The following BRAF variants were observed in gnomAD, a reference collection of about 807,000 sequenced individuals.
BRAF encodes B-Raf proto-oncogene, serine/threonine kinase, also known as serine/threonine-protein kinase B-raf.
In BRAF, 16 loss-of-function variants were observed where a neutral mutation model predicts 104.6. The observed-to-expected ratio is 0.15, with a 90% CI of 0.10 to 0.23. The LOEUF (loss-of-function observed/expected upper bound fraction) is 0.23, where lower values mean the gene tolerates loss of function less well. BRAF is among the 10% of genes least tolerant of loss of function. The pLI is 1.00. For synonymous variants in BRAF, 310 were observed against 341.6 expected (o/e 0.91, Z 1.02); for missense variants, 541 against 937.3 (o/e 0.58, Z 5.52).
chr7:140,764,257 C>T (rs548560854), intron 14 of BRAF, among the ~76,000 whole-genome samples: 1,957 of 151,476 alleles, frequency 0.013, 24 homozygotes, highest in Non-Finnish European at 0.021. Flanking sequence ...ACCCTTCATG[C>T]TAAAAACTCT....
intron 3 of BRAF, among the ~76,000 whole-genome samples, chr7:140,833,100 T>TCTCCTGAC (rs1171439884): frequency 1.3e-5 from 2 of 152,022 alleles, no homozygotes; most frequent in Non-Finnish European, 2.9e-5. Context: ...ACTGTCTCGA[T>TCTCCTGAC]CTCCTGACCT....
chr7:140,724,004 T>C lies in BRAF; in HGVS notation c.*2490A>G. On this transcript the variant is annotated 3_prime_UTR_variant, in exon 20 of 20. Transcript: ENST00000644969. ...AAGGAAGAAAAGAGAGGTTTAAATA[T>C]TTTATTTTTTAAGGTATCTATAAAA... 9.6e-7 allele frequency: 1 copy of C among 1,042,342 alleles called. No homozygotes were observed. The highest frequency in any genetic ancestry group is 1.2e-6 in the Non-Finnish European group (1 of 864,626). 64.6% of individuals were successfully genotyped at this position (1,042,342 alleles called of 1,614,324 possible). A position where few individuals can be genotyped will look rare whatever the true frequency, so the allele number is the denominator to read the frequency against.
intron 17 of BRAF, 78 bp from the exon 17 acceptor site, chr7:140,740,024 C>T (rs2130902232): frequency 4.8e-6 from 7 of 1,453,276 alleles, no homozygotes; most frequent in Non-Finnish European, 6.6e-6. Flanking sequence ...ATTGAAAACA[C>T]AATAAGCTGT....
Position 140,834,775 on chromosome 7 carries a change from C to T in BRAF, c.338G>A (p.Ser113Asn), listed in dbSNP as rs747047638. The T allele has an allele frequency of 1.2e-6, 2 of 1,614,146 alleles. No homozygotes were observed. Among genetic ancestry groups the T allele is most frequent in the Non-Finnish European group, 8.5e-7 (1 of 1,180,012 alleles). The part of the protein sequence containing the change: ...LGNGTDFSVS[S>N]SASMDTVTSS... ...TGTAACGGTATCCATTGATGCAGAG[C>T]TAGAAACAGAAAAATCAGTTCCGTT... is the stretch of plus-strand genomic sequence containing the variant. The change falls in exon 3 of 20, where the codon AGC becomes AAC. Residue 113 changes from serine to asparagine, a missense_variant. By Grantham distance (46) the Ser-to-Asn change is conservative. This residue lies in a region of BRAF where 86 missense variants were observed against 133.9 expected (regional missense o/e 0.64). Coordinates refer to ENST00000644969, the MANE Select transcript of BRAF (RefSeq NM_001374258.1).
chr7:140,786,245 C>A (rs185063608), intron 9 of BRAF, among the ~76,000 whole-genome samples: 1 of 152,218 alleles, frequency 6.6e-6, no homozygotes, highest in East Asian at 1.9e-4. Context: ...GTATAGAATG[C>A]AGGCTTATTA....
intron 1 of BRAF, among the ~76,000 whole-genome samples, chr7:140,894,577 T>G (rs543003762): frequency 6.6e-6 from 1 of 152,184 alleles, no homozygotes; most frequent in South Asian, 2.1e-4. Context: ...TCCTGATTAT[T>G]TTCACAAATC....
intron 5 of BRAF, among the ~76,000 whole-genome samples, chr7:140,802,247 A>G (rs1475518819): frequency 2.0e-5 from 3 of 151,704 alleles, no homozygotes; most frequent in Non-Finnish European, 4.4e-5. Flanking sequence ...GATACCTTGA[A>G]GATCCTGACC....
At chr7:140,714,323 CT>C in the BRAF span, among the ~76,000 whole-genome samples, 1 of 152,324 alleles carries the variant, frequency 6.6e-6, no homozygotes, top group South Asian at 2.1e-4. Flanking sequence ...CACTTTCCAA[CT>C]CTCTGAGACT....
chr7:140,865,431 A>C (rs987941620), intron 1 of BRAF, among the ~76,000 whole-genome samples: 1 of 152,272 alleles, frequency 6.6e-6, no homozygotes, highest in Admixed American at 6.5e-5. Context: ...ACTGCCAGAC[A>C]TTGTTGATGC....
At chr7:140,788,155 T>G (rs1266350458) in intron 8 of BRAF, among the ~76,000 whole-genome samples, 2 of 152,138 alleles carry the variant, frequency 1.3e-5, no homozygotes, top group Admixed American at 1.3e-4. Flanking sequence ...AATAAATAAA[T>G]TTTTAAAAAA....
intron 1 of BRAF, among the ~76,000 whole-genome samples, chr7:140,889,951 T>A (rs557870568): frequency 6.6e-6 from 1 of 152,336 alleles, no homozygotes; most frequent in South Asian, 2.1e-4. Context: ...ACTCAAGCAA[T>A]GTGCCCTTAG....
At chr7:140,754,874 T>G (rs1019298061) in intron 14 of BRAF, among the ~76,000 whole-genome samples, 36 of 152,182 alleles carry the variant, frequency 2.4e-4, no homozygotes, top group African/African-American at 8.7e-4. Context: ...CTTAAAATAT[T>G]TTCTTAAAAC....
At chr7:140,714,340 G>A (rs1285502485), downstream of BRAF, among the ~76,000 whole-genome samples, 2 of 152,140 alleles carry the variant, frequency 1.3e-5, no homozygotes, top group African/African-American at 4.8e-5. Context: ...AGACTGGACA[G>A]AATTCTCCTC....
intron 14 of BRAF, among the ~76,000 whole-genome samples, chr7:140,764,605 G>A (rs1220055898): frequency 6.6e-6 from 1 of 152,036 alleles, no homozygotes; most frequent in Non-Finnish European, 1.5e-5. Flanking sequence ...CAAAGTCTTG[G>A]GATACAAAAT....
At chr7:140,769,483 T>G (rs1012916516) in intron 14 of BRAF, among the ~76,000 whole-genome samples, 2 of 152,236 alleles carry the variant, frequency 1.3e-5, no homozygotes, top group Non-Finnish European at 2.9e-5. Context: ...CATATATACA[T>G]ACACACCACT....
intron 18 of BRAF, among the ~76,000 whole-genome samples, chr7:140,737,726 T>C (rs925576809): frequency 6.6e-5 from 10 of 152,200 alleles, no homozygotes; most frequent in African/African-American, 2.4e-4. Context: ...GATTTCATAT[T>C]TTATAAAACA....
intron 5 of BRAF, among the ~76,000 whole-genome samples, chr7:140,806,432 A>G (rs1384741822): frequency 1.3e-5 from 2 of 152,216 alleles, no homozygotes; most frequent in East Asian, 1.9e-4. Context: ...AGTTCTCAAT[A>G]AAAATTTACT....
chr7:140,773,332 TGGA>T, intron 14 of BRAF: 1 of 152,320 alleles, frequency 6.6e-6, no homozygotes, highest in East Asian at 1.9e-4. Flanking sequence ...GTAATCTAGG[TGGA>T]ATCCCTGATG....
intron 1 of BRAF, among the ~76,000 whole-genome samples, chr7:140,907,250 A>C (rs10247116): frequency 0.11 from 16,850 of 152,108 alleles, 1,131 homozygotes; most frequent in South Asian, 0.19. Flanking sequence ...AAATCTATTA[A>C]GTTGGGTTTT....
Sources: gnomAD v4.1 joint callset for allele counts (sites outside exome capture counted in the v4.1 genomes callset) on GRCh38, gnomAD v4.1.1 for gene constraint, gnomAD v4.1.1 regional missense constraint, MANE v1.5 for transcripts, NCBI Gene and HGNC (gene_info 2026-07-23, HGNC 2026-07-21) for gene names.